Variants in PTPRK observed in about 807,000 individuals in gnomAD.
The protein encoded by PTPRK is receptor-type tyrosine-protein phosphatase kappa.
Under a neutral mutation model 178.0 loss-of-function variants are expected in PTPRK, and 75 were observed. The ratio of observed to expected loss-of-function variants is 0.42; its 90% CI spans 0.35 to 0.51. The LOEUF is 0.51. Among genes scored for constraint, PTPRK ranks in the 20% least tolerant of loss-of-function variants. The probability of loss-of-function intolerance (pLI) is 0.02; values close to 1 mark genes in which losing one functional copy is unlikely to be tolerated. For synonymous variants in PTPRK, 637 were observed against 620.6 expected, an observed-to-expected ratio of 1.03 and a Z score of -0.39; for missense variants, 1,441 against 1,797.8, an observed-to-expected ratio of 0.80 and a Z score of 3.59.
intron 2 of PTPRK, among the ~76,000 whole-genome samples, chr6:128,330,127 C>T (rs571076407): frequency 6.6e-6 from 1 of 152,098 alleles, no homozygotes; most frequent in Non-Finnish European, 1.5e-5. Flanking sequence ...ACTAAAGACA[C>T]TATACAATAA....
intron 2 of PTPRK, among the ~76,000 whole-genome samples, chr6:128,337,902 T>A (rs1831162631): frequency 6.6e-6 from 1 of 152,080 alleles, no homozygotes; most frequent in South Asian, 2.1e-4. Context: ...AATAAACCAC[T>A]TGTGCAAAGG....
At chr6:128,189,235 C>CTTTTTTTTTT (rs71028115) in intron 6 of PTPRK, among the ~76,000 whole-genome samples, 29 of 67,466 alleles carry the variant, frequency 4.3e-4, no homozygotes, top group Non-Finnish European at 6.2e-4. Flanking sequence ...TACTCTTTTT[C>CTTTTTTTTTT]TTTTTTTTTT....
chr6:128,286,884 C>A (rs570473537), intron 3 of PTPRK, among the ~76,000 whole-genome samples: 1 of 152,112 alleles, frequency 6.6e-6, no homozygotes, highest in Admixed American at 6.6e-5. Flanking sequence ...CTATCCAATA[C>A]TTTGTGTATT....
chr6:128,053,348 T>C (rs1779368454), intron 13 of PTPRK, among the ~76,000 whole-genome samples: 1 of 152,094 alleles, frequency 6.6e-6, no homozygotes, highest in South Asian at 2.1e-4. Context: ...AACCTCTGCC[T>C]GGAAGTTCAC....
At chr6:128,415,504 GA>G (rs11373222) in intron 1 of PTPRK, among the ~76,000 whole-genome samples, 12,302 of 143,958 alleles carry the variant, frequency 0.085, 580 homozygotes, top group African/African-American at 0.14. Flanking sequence ...TATGCAGTGA[GA>G]AAAAAAAAAA....
chr6:128,057,384 G>C (rs1170745681), intron 13 of PTPRK, among the ~76,000 whole-genome samples: 1 of 152,194 alleles, frequency 6.6e-6, no homozygotes, highest in Non-Finnish European at 1.5e-5. Context: ...ATCATTCCCT[G>C]AGAAGAGTGG....
intron 15 of PTPRK, chr6:128,003,345 C>A (rs1335369539): frequency 9.4e-7 from 1 of 1,062,844 alleles, no homozygotes; most frequent in African/African-American, 1.6e-5. Flanking sequence ...ATTAAACTTT[C>A]TCAGATTACT....
intron 25 of PTPRK, among the ~76,000 whole-genome samples, chr6:127,978,227 T>C (rs1284631624): frequency 2.6e-5 from 4 of 152,216 alleles, no homozygotes; most frequent in Non-Finnish European, 5.9e-5. Context: ...TCATGAGTCA[T>C]ATTGTTTGGC....
chr6:128,092,792 T>C (rs1787213840), intron 7 of PTPRK, among the ~76,000 whole-genome samples: 1 of 152,202 alleles, frequency 6.6e-6, no homozygotes, highest in Non-Finnish European at 1.5e-5. Flanking sequence ...TTATTGACCT[T>C]AATCCATTAT....
At chr6:128,356,146 C>A (rs1355316250) in intron 2 of PTPRK, among the ~76,000 whole-genome samples, 1 of 152,104 alleles carries the variant, frequency 6.6e-6, no homozygotes, top group Admixed American at 6.6e-5. Flanking sequence ...TTATCTTCTT[C>A]CAGTCCCTCT....
At chr6:128,208,795 G>A (rs1807490586) in intron 6 of PTPRK, among the ~76,000 whole-genome samples, 1 of 152,042 alleles carries the variant, frequency 6.6e-6, no homozygotes. Context: ...TTTACTTAAT[G>A]CCCTATGATT....
At chr6:128,391,673 A>C (rs1218921681) in intron 2 of PTPRK, among the ~76,000 whole-genome samples, 2 of 152,110 alleles carry the variant, frequency 1.3e-5, no homozygotes, top group African/African-American at 4.8e-5. Context: ...GTGATCCACT[A>C]CTTTTAGTAA....
chr6:128,012,119 G>C (rs1562433384), intron 13 of PTPRK, among the ~76,000 whole-genome samples: 1 of 151,158 alleles, frequency 6.6e-6, no homozygotes, highest in African/African-American at 2.4e-5. Flanking sequence ...ATGTGATTTG[G>C]TGGTTGTTTT....
At chr6:128,258,256 T>C (rs1451019887) in intron 3 of PTPRK, among the ~76,000 whole-genome samples, 1 of 152,186 alleles carries the variant, frequency 6.6e-6, no homozygotes, top group Non-Finnish European at 1.5e-5. Context: ...AAAATTTCTA[T>C]AATAAAGACC....
At chr6:128,509,214 C>T (rs1856818378) in intron 1 of PTPRK, among the ~76,000 whole-genome samples, 1 of 152,116 alleles carries the variant, frequency 6.6e-6, no homozygotes, top group Non-Finnish European at 1.5e-5. Flanking sequence ...TTTCAGACGT[C>T]TACCGGGCAC....
At chr6:127,988,329 T>G (rs1776212626) in intron 21 of PTPRK, among the ~76,000 whole-genome samples, 1 of 143,946 alleles carries the variant, frequency 6.9e-6, no homozygotes, top group Non-Finnish European at 1.5e-5. Flanking sequence ...TTTGAGACAG[T>G]GTCTCCCTCT....
At chr6:128,458,226 A>C (rs928721748) in intron 1 of PTPRK, among the ~76,000 whole-genome samples, 1 of 152,152 alleles carries the variant, frequency 6.6e-6, no homozygotes, top group Non-Finnish European at 1.5e-5. Context: ...AAATCAGGAA[A>C]TATGTAAATG....
chr6:128,167,707 G>A (rs1244589413), intron 7 of PTPRK, among the ~76,000 whole-genome samples: 2 of 152,028 alleles, frequency 1.3e-5, no homozygotes, highest in Admixed American at 1.3e-4. Context: ...AGTAGGGCAA[G>A]ATTGTAAAGT....
chr6:128,178,673 A>G (rs1801461765), intron 7 of PTPRK, among the ~76,000 whole-genome samples: 2 of 151,408 alleles, frequency 1.3e-5, no homozygotes, highest in South Asian at 4.2e-4. Context: ...CTATCTATCT[A>G]TCTATCTATC....
Sources: allele counts gnomAD v4.1 joint callset (sites outside exome capture counted in the v4.1 genomes callset), GRCh38; gene constraint gnomAD v4.1.1; transcripts MANE v1.5; gene names NCBI Gene and HGNC (gene_info 2026-07-23, HGNC 2026-07-21).